Variants in SND1 observed in about 807,000 individuals in gnomAD.
SND1 encodes staphylococcal nuclease domain-containing protein 1.
In SND1, 38 loss-of-function variants were observed where a neutral mutation model predicts 121.7. The ratio of observed to expected loss-of-function variants is 0.31; its 90% CI spans 0.24 to 0.41. SND1 has a LOEUF of 0.41. Ranked by LOEUF, SND1 falls within the 10% of genes least tolerant of loss-of-function variation. SND1 has a pLI of 1.00. For missense variants in SND1, 868 were observed against 1,184.6 expected, an observed-to-expected ratio of 0.73 and a Z score of 3.92; for synonymous variants, 401 against 447.4, an observed-to-expected ratio of 0.90 and a Z score of 1.31.
At chr7:127,788,712 A>G (rs1797857680) in intron 10 of SND1, among the ~76,000 whole-genome samples, 1 of 152,110 alleles carries the variant, frequency 6.6e-6, no homozygotes, top group Non-Finnish European at 1.5e-5. Flanking sequence ...TTCCTTCTTC[A>G]AATTCTCTTC....
At chr7:127,983,683 G>GGTATTGAATATTCAATATTCAATA (rs1424299938) in intron 15 of SND1, among the ~76,000 whole-genome samples, 2 of 151,672 alleles carry the variant, frequency 1.3e-5, no homozygotes, top group African/African-American at 2.4e-5. Context: ...TTAAAGCAGA[G>GGTATTGAATATTCAATATTCAATA]GTATTGAATA....
chr7:127,953,162 G>C (rs1801503035), intron 15 of SND1, among the ~76,000 whole-genome samples: 2 of 24,204 alleles, frequency 8.3e-5, no homozygotes, highest in Non-Finnish European at 7.4e-5. Context: ...GTGTGTGTGT[G>C]TGTGTGTGTG....
chr7:127,976,231 C>T (rs149687394), intron 15 of SND1, among the ~76,000 whole-genome samples: 1,532 of 152,342 alleles, frequency 0.01, 20 homozygotes, highest in Non-Finnish European at 0.012. Context: ...CCTCCCCTGC[C>T]CCACCCTTAT....
At chr7:128,031,172 T>C (rs2116987978) in intron 16 of SND1, 1 of 152,554 alleles carries the variant, frequency 6.6e-6, no homozygotes, top group Middle Eastern at 3.4e-3. Context: ...CGGCGGGCTA[T>C]GCAGGTGCAT....
intron 6 of SND1, 47 bp downstream of exon 6, chr7:127,702,573 G>A: frequency 1.4e-6 from 2 of 1,441,042 alleles, no homozygotes; most frequent in Non-Finnish European, 2.0e-6. Flanking sequence ...GTGTGTGGAT[G>A]TTCAGTGATG....
intron 16 of SND1, among the ~76,000 whole-genome samples, chr7:128,051,530 A>ATGATT (rs1291735441): frequency 8.5e-5 from 13 of 152,340 alleles, no homozygotes; most frequent in African/African-American, 2.4e-4. Context: ...TTGCATTCAT[A>ATGATT]GAGAAATCAT....
At chr7:127,890,225 G>A (rs1260715854) in intron 13 of SND1, among the ~76,000 whole-genome samples, 1 of 152,056 alleles carries the variant, frequency 6.6e-6, no homozygotes, top group Non-Finnish European at 1.5e-5. Flanking sequence ...ATTTTAACTG[G>A]GGTGAGATGA....
At chr7:127,747,986 G>A (rs1235329928) in intron 10 of SND1, among the ~76,000 whole-genome samples, 1 of 152,142 alleles carries the variant, frequency 6.6e-6, no homozygotes, top group African/African-American at 2.4e-5. Context: ...TTTACTCCAT[G>A]TATGTGTTAT....
intron 12 of SND1, among the ~76,000 whole-genome samples, chr7:127,856,954 G>A (rs959881229): frequency 1.3e-5 from 2 of 151,928 alleles, no homozygotes; most frequent in Admixed American, 1.3e-4. Context: ...AGCACCCTCT[G>A]CAGCTGTGGA....
chr7:128,070,919 T>C (rs1362171287), intron 16 of SND1, among the ~76,000 whole-genome samples: 2 of 152,230 alleles, frequency 1.3e-5, no homozygotes, highest in South Asian at 4.1e-4. Flanking sequence ...TTGAGTCATC[T>C]GGCGGGGCAC....
At chr7:127,910,110 C>G (rs1302211108) in intron 14 of SND1, among the ~76,000 whole-genome samples, 1 of 151,990 alleles carries the variant, frequency 6.6e-6, no homozygotes, top group African/African-American at 2.4e-5. Context: ...TTGATGGAAG[C>G]ATAAGAAAAA....
At chr7:127,808,702 A>G (rs1173942135) in intron 11 of SND1, among the ~76,000 whole-genome samples, 2 of 152,222 alleles carry the variant, frequency 1.3e-5, no homozygotes, top group East Asian at 1.9e-4. Flanking sequence ...TTCATCTGTC[A>G]TTGTACAAAA....
chr7:127,847,268 T>C (rs1171820126), intron 12 of SND1, among the ~76,000 whole-genome samples: 1 of 152,092 alleles, frequency 6.6e-6, no homozygotes, highest in Non-Finnish European at 1.5e-5. Context: ...TGAGACTTTG[T>C]CTCAAAAAAC....
At chr7:127,901,877 C>T (rs1800238766) in intron 13 of SND1, among the ~76,000 whole-genome samples, 1 of 152,070 alleles carries the variant, frequency 6.6e-6, no homozygotes, top group Non-Finnish European at 1.5e-5. Context: ...TGATAATATG[C>T]TTTTTAGAAG....
intron 16 of SND1, among the ~76,000 whole-genome samples, chr7:128,006,099 G>C: frequency 6.6e-6 from 1 of 152,180 alleles, no homozygotes; most frequent in Admixed American, 6.5e-5. Flanking sequence ...CCCAGGGTCT[G>C]GCCTTAGCAG....
chr7:128,089,474 G>A lies in SND1; in HGVS notation c.2419-15G>A. ...TTCTCTGGCTTGCTCTGACCTGAGT[G>A]TGTCTCTGCTCCAGGATGATGCCCG... On this transcript the variant is annotated splice_polypyrimidine_tract_variant and intron_variant, in intron 21 of 23. Coordinates refer to ENST00000354725, the MANE Select transcript of SND1 (RefSeq NM_014390.4). 1 of 1,603,110 alleles carries A rather than the reference G, an allele frequency of 6.2e-7. No individual in the cohort carries two copies. Among genetic ancestry groups the A allele is most frequent in the Non-Finnish European group, 8.5e-7 (1 of 1,172,332 alleles).
chr7:127,922,592 G>A (rs1396530204), intron 14 of SND1, among the ~76,000 whole-genome samples: 2 of 152,116 alleles, frequency 1.3e-5, no homozygotes, highest in Non-Finnish European at 2.9e-5. Context: ...AGATGATTTA[G>A]TTCCTTGCAA....
At chr7:128,036,252 A>G (rs941543304) in intron 16 of SND1, among the ~76,000 whole-genome samples, 6 of 152,154 alleles carry the variant, frequency 3.9e-5, no homozygotes, top group African/African-American at 7.2e-5. Flanking sequence ...GCAAACACCT[A>G]TCAGGGACAA....
At chr7:127,693,712 T>C (rs547577284) in intron 2 of SND1, among the ~76,000 whole-genome samples, 9 of 152,222 alleles carry the variant, frequency 5.9e-5, no homozygotes, top group Non-Finnish European at 1.2e-4. Context: ...ATGCATATTG[T>C]ATATCACTTT....
Sources: allele counts gnomAD v4.1 joint callset (sites outside exome capture counted in the v4.1 genomes callset), GRCh38; gene constraint gnomAD v4.1.1; transcripts MANE v1.5; gene names NCBI Gene and HGNC (gene_info 2026-07-23, HGNC 2026-07-21).